The following C16orf96 variants were observed in gnomAD, a reference collection of about 807,000 sequenced individuals.
The protein encoded by C16orf96 is uncharacterized protein C16orf96.
A neutral mutation model predicts 103.6 loss-of-function variants in C16orf96; 108 were observed. That is an observed-to-expected ratio of 1.04 (90% CI 0.89 to 1.22). The LOEUF is 1.22. C16orf96 is among the 50% of genes most tolerant of loss of function. The probability of loss-of-function intolerance (pLI) is 0.00; values close to 1 mark genes in which losing one functional copy is unlikely to be tolerated. For synonymous variants in C16orf96, 566 were observed against 593.5 expected, an observed-to-expected ratio of 0.95 and a Z score of 0.67; for missense variants, 1,586 against 1,464.2, an observed-to-expected ratio of 1.08 and a Z score of -1.36.
At chr16:4,594,213 C>T in intron 12 of C16orf96, 138 bp from the exon 13 acceptor site, 1 of 980,650 alleles carries the variant, frequency 1.0e-6, no homozygotes, top group Non-Finnish European at 1.5e-6. Flanking sequence ...AGGCCCCAGG[C>T]CTGCCTGGCT....
intron 1 of C16orf96, among the ~76,000 whole-genome samples, chr16:4,566,961 T>C (rs2059389890): frequency 6.6e-6 from 1 of 152,164 alleles, no homozygotes; most frequent in Non-Finnish European, 1.5e-5. Flanking sequence ...GTGTTTAGTT[T>C]CATTGATTTT....
Position 4,580,072 on chromosome 16 carries a change from A to C in C16orf96, c.2299A>C (p.Ile767Leu), listed in dbSNP as rs944098895. 1 of 1,549,518 alleles carries C rather than the reference A, an allele frequency of 6.5e-7. No homozygotes were observed. Among genetic ancestry groups the C allele is most frequent in the African/African-American group, 1.4e-5 (1 of 72,914 alleles). Residue 767 changes from isoleucine to leucine, a missense_variant, in exon 7 of 16, where the codon ATC becomes CTC. Physicochemically the swap from Ile to Leu is conservative, Grantham distance 5 (BLOSUM62 2). Coordinates refer to ENST00000444310, the MANE Select transcript of C16orf96 (RefSeq NM_001145011.2). ...AATAGAGATGATGAAGGATCGCTAC[A>C]TCACTTTGGACAAGGCGGTGGAGAA... is the stretch of plus-strand genomic sequence containing the variant. ...NQIEMMKDRY[I>L]TLDKAVENLQ... is the part of the protein sequence containing the mutation.
At chr16:4,543,960 A>G in the C16orf96 span, among the ~76,000 whole-genome samples, 2 of 152,082 alleles carry the variant, frequency 1.3e-5, no homozygotes, top group African/African-American at 4.8e-5. Context: ...TGTTTTAGAC[A>G]AATCATTCTG....
chr16:4,591,668 A>G lies in C16orf96; in HGVS notation c.2595A>G (p.Leu865=), dbSNP rs1355288115. 5.8e-6 allele frequency: 9 copies of G among 1,550,070 alleles called. No homozygotes were observed. The Admixed American group carries it at 1.8e-4, about 30-fold the overall frequency. ...ATCTTCCCCTTGGCTGTTGGCAGTTAGTCCACAGTGATCTGGATCCCTTGA... is the reference window on the plus strand; with the variant it reads ...ATCTTCCCCTTGGCTGTTGGCAGTTGGTCCACAGTGATCTGGATCCCTTGA... ...EELSKDVNTK[L]VHSDLDPLKK... Residue 865 remains leucine (L), a splice_region_variant and synonymous_variant, in exon 10 of 16, where the codon TTA becomes TTG. Coordinates refer to ENST00000444310, the MANE Select transcript of C16orf96 (RefSeq NM_001145011.2).
upstream of C16orf96, among the ~76,000 whole-genome samples, chr16:4,552,057 A>G (rs1362238042): frequency 6.6e-6 from 1 of 152,144 alleles, no homozygotes; most frequent in African/African-American, 2.4e-5. Flanking sequence ...ATGATAGTTT[A>G]CAGCTTCATC....
intron 9 of C16orf96, among the ~76,000 whole-genome samples, chr16:4,590,041 G>A (rs1170529513): frequency 6.6e-6 from 1 of 151,860 alleles, no homozygotes; most frequent in East Asian, 1.9e-4. Flanking sequence ...CAGGAGAATG[G>A]CCTGAACCCG....
the C16orf96 span, among the ~76,000 whole-genome samples, chr16:4,547,689 C>CTTGCTTCTATCTTTCTTTCT: frequency 4.4e-5 from 1 of 22,574 alleles, no homozygotes; most frequent in Non-Finnish European, 1.1e-4. Context: ...TCCTTCCTTC[C>CTTGCTTCTATCTTTCTTTCT]TTCTTTCTTT....
At chr16:4,587,529 C>CAAAAAAAAAAAAAA (rs59504956) in intron 8 of C16orf96, among the ~76,000 whole-genome samples, 1 of 118,666 alleles carries the variant, frequency 8.4e-6, no homozygotes, top group Non-Finnish European at 1.7e-5. Flanking sequence ...AACTCTGTCT[C>CAAAAAAAAAAAAAA]AAAAAAAAAA....
At chr16:4,592,677 C>G (rs186294620) in intron 11 of C16orf96, among the ~76,000 whole-genome samples, 1 of 152,224 alleles carries the variant, frequency 6.6e-6, no homozygotes, top group African/African-American at 2.4e-5. Flanking sequence ...CACATGTCCA[C>G]ATACACTGTT....
intron 1 of C16orf96, among the ~76,000 whole-genome samples, chr16:4,570,059 C>A (rs899505833): frequency 1.3e-5 from 2 of 152,178 alleles, no homozygotes; most frequent in Non-Finnish European, 2.9e-5. Context: ...AGAAGTGAAG[C>A]GGCACGTTTA....
chr16:4,550,672 T>C, the C16orf96 span, among the ~76,000 whole-genome samples: 3 of 151,918 alleles, frequency 2.0e-5, no homozygotes, highest in African/African-American at 7.3e-5. Flanking sequence ...ACGTGGAGGG[T>C]TTAAGGCACA....
intron 2 of C16orf96, among the ~76,000 whole-genome samples, chr16:4,572,564 G>A (rs2059452007): frequency 6.6e-6 from 1 of 152,062 alleles, no homozygotes; most frequent in South Asian, 2.1e-4. Context: ...GCCTCCCAAA[G>A]TGCCAGGATT....
chr16:4,548,306 G>T, the C16orf96 span, among the ~76,000 whole-genome samples: 1 of 152,158 alleles, frequency 6.6e-6, no homozygotes, highest in Admixed American at 6.5e-5. Flanking sequence ...ACTTTCTGCA[G>T]AACGCAGCTC....
chr16:4,600,272 G>T lies in C16orf96; in HGVS notation c.3381G>T (p.Glu1127Asp). Residue 1127 changes from glutamate (E) to aspartate (D), a missense_variant, in exon 16 of 16, where the codon GAG becomes GAT. Transcript: ENST00000444310. Reference protein sequence around the residue: ...STRLSRAPHIESRVGRKPPEE... With the variant: ...STRLSRAPHIDSRVGRKPPEE... ...GGCTCTCAAGAGCTCCACACATTGA[G>T]TCCCGAGTCGGCAGGAAGCCCCCCG... 1 of 1,551,334 alleles carries T rather than the reference G, an allele frequency of 6.4e-7. No individual in the cohort carries two copies. The highest frequency in any genetic ancestry group is 1.2e-5 in the South Asian group (1 of 84,056).
chr16:4,575,732 C>A lies in C16orf96; in HGVS notation c.1252C>A (p.Pro418Thr), dbSNP rs1334811058. The stretch of plus-strand genomic sequence containing the variant: ...CTTAGGTGTCCTGCGGCCAACTCAG[C>A]CCCAACCCTCCAGGGCCCCACCACC... Reference protein sequence around the residue: ...WDLGVLRPTQPQPSRAPPPAT... With the variant: ...WDLGVLRPTQTQPSRAPPPAT... The change falls in exon 5 of 16, where the codon CCC becomes ACC. Residue 418 changes from proline to threonine, a missense_variant. Transcript: ENST00000444310. 3 of 1,538,894 alleles carry A rather than the reference C, an allele frequency of 1.9e-6. No individual in the cohort carries two copies. The highest frequency in any genetic ancestry group is 2.6e-6 in the Non-Finnish European group (3 of 1,141,200).
chr16:4,550,831 G>C, the C16orf96 span, among the ~76,000 whole-genome samples: 1 of 152,190 alleles, frequency 6.6e-6, no homozygotes. Flanking sequence ...ATTCAGGCCA[G>C]ATTTTTTTTT....
At position 4,562,266 on chromosome 16, in the gene C16orf96, G is replaced by A. The variant is rs143345313; in HGVS notation, c.420+5357G>A. Reference sequence around the variant, plus strand: ...GAGGTGGGAGGATCGCTTGAGCCCAGGAGTTCAAGACCAGCCTGAGCAACA... The same window carrying A: ...GAGGTGGGAGGATCGCTTGAGCCCAAGAGTTCAAGACCAGCCTGAGCAACA... On this transcript the variant is annotated intron_variant, in intron 1 of 15. Transcript: ENST00000444310. 3.3e-3 allele frequency among the ~76,000 whole-genome samples: 496 copies of A among 152,168 alleles called. 2 individuals are homozygous for A. The highest frequency in any genetic ancestry group is 0.011 in the African/African-American group (468 of 41,510).
chr16:4,553,618 C>T (rs1440521412), upstream of C16orf96, among the ~76,000 whole-genome samples: 1 of 152,094 alleles, frequency 6.6e-6, no homozygotes, highest in Non-Finnish European at 1.5e-5. Context: ...GCTGGGATTA[C>T]AGGTGTGAGC....
At chr16:4,567,530 A>G (rs1641859) in intron 1 of C16orf96, among the ~76,000 whole-genome samples, 144,124 of 151,230 alleles carry the variant, frequency 0.95, 69,063 homozygotes, top group East Asian at 1. Flanking sequence ...TCATCCGCCC[A>G]CCTCGGCCTC....
Sources: gnomAD v4.1 joint callset for allele counts (sites outside exome capture counted in the v4.1 genomes callset) on GRCh38, gnomAD v4.1.1 for gene constraint, MANE v1.5 for transcripts, NCBI Gene and HGNC (gene_info 2026-07-23, HGNC 2026-07-21) for gene names.